PCDH11Y: variants seen among roughly 807,000 people sequenced by gnomAD.
The protein encoded by PCDH11Y is protocadherin 11 Y-linked.
For synonymous variants in PCDH11Y, 9 were observed against 83.6 expected, an observed-to-expected ratio of 0.11 and a Z score of 4.87; for missense variants, 12 against 224.8, an observed-to-expected ratio of 0.05 and a Z score of 6.05.
chrY:5,197,979 T>TA (rs2052922664), intron 2 of PCDH11Y, among the ~76,000 whole-genome samples: 14 of 25,908 alleles, frequency 5.4e-4, no homozygotes, highest in African/African-American at 6.1e-4. Context: ...TAAAGTATAA[T>TA]AAAAAAAAAA....
intron 2 of PCDH11Y, among the ~76,000 whole-genome samples, chrY:5,183,900 C>T: frequency 1.2e-4 from 3 of 25,550 alleles, no homozygotes. Context: ...GTGACTGTTA[C>T]GTCAAGTTAA....
intron 2 of PCDH11Y, among the ~76,000 whole-genome samples, chrY:5,487,197 G>A (rs2124686583): frequency 3.3e-5 from 1 of 30,164 alleles, no homozygotes; most frequent in South Asian, 7.5e-4. Context: ...ATTTTTTTTT[G>A]TTGTTTCTTT....
intron 4 of PCDH11Y, among the ~76,000 whole-genome samples, chrY:5,627,404 G>GTT (rs745390429): frequency 2.6e-4 from 6 of 23,447 alleles, no homozygotes; most frequent in African/African-American, 9.3e-4. Context: ...TTTTTTTTTG[G>GTT]TTTTTTTTTT....
At chrY:5,063,957 G>T (rs2052680462) in intron 1 of PCDH11Y, among the ~76,000 whole-genome samples, 1 of 32,648 alleles carries the variant, frequency 3.1e-5, no homozygotes, top group Admixed American at 2.9e-4. Flanking sequence ...TAAAAATATC[G>T]CTAGTTATCT....
At chrY:5,362,474 G>A (rs2124671981) in intron 2 of PCDH11Y, among the ~76,000 whole-genome samples, 1 of 31,211 alleles carries the variant, frequency 3.2e-5, no homozygotes, top group East Asian at 8.5e-4. Flanking sequence ...GCACAGGTTT[G>A]TTACATAGGT....
At chrY:5,314,592 T>C in intron 2 of PCDH11Y, among the ~76,000 whole-genome samples, 2 of 27,759 alleles carry the variant, frequency 7.2e-5, no homozygotes, top group African/African-American at 1.4e-4. Context: ...TCTTTTGCAA[T>C]GTGGTCCCAT....
At chrY:5,016,989 A>G in intron 1 of PCDH11Y, among the ~76,000 whole-genome samples, 1 of 33,639 alleles carries the variant, frequency 3.0e-5, no homozygotes, top group Non-Finnish European at 7.4e-5. Context: ...TAGACTTTTA[A>G]TAGATTAATG....
intron 2 of PCDH11Y, among the ~76,000 whole-genome samples, chrY:5,493,215 A>G (rs377754271): frequency 7.1e-4 from 24 of 33,655 alleles, no homozygotes; most frequent in African/African-American, 2.5e-3. Context: ...ATTGTATGCT[A>G]CAAAATTATT....
chrY:5,335,060 A>AG (rs2053135079), intron 2 of PCDH11Y, among the ~76,000 whole-genome samples: 3 of 32,750 alleles, frequency 9.2e-5, no homozygotes, highest in East Asian at 8.3e-4. Context: ...TACATAAACA[A>AG]GGGGGGGCAG....
intron 2 of PCDH11Y, among the ~76,000 whole-genome samples, chrY:5,333,652 C>A: frequency 3.0e-5 from 1 of 32,886 alleles, no homozygotes; most frequent in Non-Finnish European, 7.4e-5. Context: ...CCTGTAATCC[C>A]AGCACTTTGG....
intron 2 of PCDH11Y, among the ~76,000 whole-genome samples, chrY:5,492,834 A>C: frequency 3.0e-5 from 1 of 33,118 alleles, no homozygotes; most frequent in Non-Finnish European, 7.4e-5. Flanking sequence ...GTTCAAAGGA[A>C]ACATTGGTCT....
At chrY:5,366,345 C>A in intron 2 of PCDH11Y, among the ~76,000 whole-genome samples, 1 of 33,242 alleles carries the variant, frequency 3.0e-5, no homozygotes, top group African/African-American at 1.2e-4. Context: ...AGTTAAATGG[C>A]AGAAATAGGT....
At chrY:5,488,507 T>G in intron 2 of PCDH11Y, among the ~76,000 whole-genome samples, 2 of 33,184 alleles carry the variant, frequency 6.0e-5, no homozygotes, top group Non-Finnish European at 7.5e-5. Context: ...TTTGGAAACA[T>G]GATCAAAATA....
intron 1 of PCDH11Y, among the ~76,000 whole-genome samples, chrY:5,023,536 C>T (rs2052573596): frequency 2.9e-5 from 1 of 34,097 alleles, no homozygotes; most frequent in African/African-American, 1.1e-4. Flanking sequence ...CAATCATACA[C>T]ATGCATCTGC....
chrY:5,192,001 G>A (rs2052913080), intron 2 of PCDH11Y, among the ~76,000 whole-genome samples: 2 of 32,006 alleles, frequency 6.2e-5, no homozygotes, highest in Non-Finnish European at 7.6e-5. Flanking sequence ...AGTGGCAAGC[G>A]CGCATTACCG....
intron 2 of PCDH11Y, among the ~76,000 whole-genome samples, chrY:5,116,470 A>T (rs2052810972): frequency 2.6e-3 from 88 of 33,729 alleles, no homozygotes; most frequent in Non-Finnish European, 1.3e-3. Flanking sequence ...GAAAGACTAG[A>T]TATGAAGACA....
intron 1 of PCDH11Y, among the ~76,000 whole-genome samples, chrY:5,029,457 T>G: frequency 6.4e-5 from 2 of 31,350 alleles, no homozygotes; most frequent in African/African-American, 2.5e-4. Flanking sequence ...TATTTAAAAT[T>G]TATTTACTCA....
At chrY:5,088,178 TGTG>T (rs2052734780) in intron 1 of PCDH11Y, among the ~76,000 whole-genome samples, 1 of 32,733 alleles carries the variant, frequency 3.1e-5, no homozygotes, top group South Asian at 7.0e-4. Context: ...TTTGTGTCCT[TGTG>T]GGGAGGATGA....
chrY:5,201,376 A>C, intron 2 of PCDH11Y, among the ~76,000 whole-genome samples: 1 of 33,692 alleles, frequency 3.0e-5, no homozygotes, highest in African/African-American at 1.2e-4. Flanking sequence ...GCTTTTTACC[A>C]CTTATAGTAG....
Sources: allele counts gnomAD v4.1 joint callset (sites outside exome capture counted in the v4.1 genomes callset), GRCh38; gene constraint gnomAD v4.1.1; transcripts MANE v1.5; gene names NCBI Gene and HGNC (gene_info 2026-07-23, HGNC 2026-07-21).